The following SPHKAP variants were observed in gnomAD, a reference collection of about 807,000 sequenced individuals.
SPHKAP encodes the protein A-kinase anchor protein SPHKAP.
Under a neutral mutation model 137.5 loss-of-function variants are expected in SPHKAP, and 67 were observed. The ratio of observed to expected loss-of-function variants is 0.49; its 90% confidence interval spans 0.40 to 0.60. The LOEUF is 0.60. Ranked by LOEUF, SPHKAP falls within the 20% of genes least tolerant of loss-of-function variation. SPHKAP has a pLI of 0.00. For synonymous variants in SPHKAP, 813 were observed against 785.3 expected, an observed-to-expected ratio of 1.04 and a Z score of -0.59; for missense variants, 2,097 against 2,069.3, an observed-to-expected ratio of 1.01 and a Z score of -0.26.
chr2:228,063,736 GA>G (rs1696738619), intron 3 of SPHKAP, among the ~76,000 whole-genome samples: 1 of 152,134 alleles, frequency 6.6e-6, no homozygotes, highest in Admixed American at 6.5e-5. Flanking sequence ...GAAAGACACT[GA>G]CTTATTCATG....
At chr2:228,158,044 T>C (rs1461831173) in intron 1 of SPHKAP, among the ~76,000 whole-genome samples, 1 of 152,172 alleles carries the variant, frequency 6.6e-6, no homozygotes, top group Non-Finnish European at 1.5e-5. Flanking sequence ...CTGACACACT[T>C]GGAAAAGGTC....
At chr2:228,043,555 G>A (rs1176695407) in intron 3 of SPHKAP, among the ~76,000 whole-genome samples, 1 of 152,164 alleles carries the variant, frequency 6.6e-6, no homozygotes, top group African/African-American at 2.4e-5. Flanking sequence ...TTGAACTCCT[G>A]ACCTCAAGTG....
intron 1 of SPHKAP, among the ~76,000 whole-genome samples, chr2:228,177,327 T>C (rs551682241): frequency 3.3e-5 from 5 of 152,208 alleles, no homozygotes; most frequent in South Asian, 2.1e-4. Flanking sequence ...CCTTTCTCTA[T>C]AGGAAATTGT....
At chr2:228,163,548 C>A (rs938303580) in intron 1 of SPHKAP, among the ~76,000 whole-genome samples, 1 of 152,172 alleles carries the variant, frequency 6.6e-6, no homozygotes. Context: ...TCCATCCTTT[C>A]CTCAGTAATA....
Position 227,981,470 on chromosome 2 carries a change from C to G in SPHKAP, c.*247G>C, listed in dbSNP as rs1235671020. On this transcript the variant is annotated 3_prime_UTR_variant, in exon 12 of 12. Coordinates refer to ENST00000392056, the MANE Select transcript of SPHKAP (RefSeq NM_001142644.2). ...TCTAATTTGGGCCCCATTGAATTCT[C>G]TCTTTGTCCAGCCCTTCTAATCCAA... 3.1e-6 allele frequency: 1 copy of G among 323,500 alleles called. No homozygotes were observed. Among genetic ancestry groups the G allele is most frequent in the African/African-American group, 2.1e-5 (1 of 46,634 alleles). 20.0% of individuals were successfully genotyped at this position (323,500 alleles called of 1,614,324 possible).
chr2:228,175,261 CA>C (rs1700704581), intron 1 of SPHKAP, among the ~76,000 whole-genome samples: 1 of 151,544 alleles, frequency 6.6e-6, no homozygotes, highest in Admixed American at 6.6e-5. Flanking sequence ...TGGATCTATG[CA>C]AATGAAATGT....
intron 5 of SPHKAP, 187 bp from the exon 6 acceptor site, chr2:228,022,153 G>C: frequency 1.0e-6 from 1 of 984,590 alleles, no homozygotes; most frequent in Non-Finnish European, 1.2e-6. Flanking sequence ...TGGAACACAA[G>C]GTACCTAGGA....
intron 1 of SPHKAP, among the ~76,000 whole-genome samples, chr2:228,160,735 A>AC (rs1337496380): frequency 6.6e-6 from 1 of 152,202 alleles, no homozygotes; most frequent in African/African-American, 2.4e-5. Flanking sequence ...TTTTAGGTGA[A>AC]CTTTTTCAAC....
At chr2:228,155,921 G>A (rs982525491) in intron 1 of SPHKAP, among the ~76,000 whole-genome samples, 1 of 152,176 alleles carries the variant, frequency 6.6e-6, no homozygotes, top group Non-Finnish European at 1.5e-5. Flanking sequence ...TTAGGAGCTG[G>A]TGTTTGTTGT....
chr2:228,044,862 A>G lies in SPHKAP; in HGVS notation c.247-17319T>C, dbSNP rs535789535. ...CAACCTACTTATCTGACAAAGGGCT[A>G]ATATCCAAAATCTACAATGAACTCA... On this transcript the variant is annotated intron_variant, in intron 3 of 11. Coordinates refer to ENST00000392056, the MANE Select transcript of SPHKAP (RefSeq NM_001142644.2). Among the ~76,000 whole-genome samples the G allele has an allele frequency of 3.3e-5, 5 of 152,324 alleles. No individual in the cohort carries two copies. The South Asian group carries it at 1.0e-3, about 32-fold the overall frequency.
At chr2:228,015,313 G>A (rs557358594) in intron 7 of SPHKAP, among the ~76,000 whole-genome samples, 16 of 151,520 alleles carry the variant, frequency 1.1e-4, no homozygotes, top group Non-Finnish European at 1.9e-4. Context: ...TCTTAATCCA[G>A]TCTATCATTG....
intron 1 of SPHKAP, among the ~76,000 whole-genome samples, chr2:228,160,385 A>G (rs1275884516): frequency 6.6e-6 from 1 of 152,234 alleles, no homozygotes; most frequent in Non-Finnish European, 1.5e-5. Context: ...AAGAGGTTTA[A>G]TTGACTCACA....
At chr2:228,001,985 T>G (rs1186529772) in intron 7 of SPHKAP, among the ~76,000 whole-genome samples, 1 of 152,210 alleles carries the variant, frequency 6.6e-6, no homozygotes, top group African/African-American at 2.4e-5. Context: ...GATATTTGGA[T>G]TGGTTCCAAG....
chr2:228,053,108 C>T (rs1233943556), intron 3 of SPHKAP, among the ~76,000 whole-genome samples: 1 of 152,126 alleles, frequency 6.6e-6, no homozygotes, highest in Non-Finnish European at 1.5e-5. Context: ...CTTTCTGACT[C>T]GTAGACAGCC....
At chr2:228,023,596 G>T (rs16824315) in intron 5 of SPHKAP, among the ~76,000 whole-genome samples, 1 of 152,112 alleles carries the variant, frequency 6.6e-6, no homozygotes, top group Non-Finnish European at 1.5e-5. Flanking sequence ...ACTACACTAA[G>T]CTGAAACTTA....
In SPHKAP at chr2:228,018,872, T is replaced by C. The variant is rs368321165; in HGVS notation, c.1982A>G (p.Asn661Ser). The change falls in exon 7 of 12, where the codon AAT (asparagine) becomes AGT (serine). Residue 661 changes from asparagine (N) to serine (S), a missense_variant. Transcript: ENST00000392056. ...ASKSQTLCSENVVRNELAHTL... is the reference protein window; with the variant it reads ...ASKSQTLCSESVVRNELAHTL... Reference sequence around the variant, plus strand: ...ATGTGCCAGTTCATTCCTGACGACATTTTCTGAGCACAGGGTCTGAGACTT... The same window carrying C: ...ATGTGCCAGTTCATTCCTGACGACACTTTCTGAGCACAGGGTCTGAGACTT... 56 of 1,614,042 alleles carry C rather than the reference T, an allele frequency of 3.5e-5. No homozygotes were observed. In the Middle Eastern group the frequency reaches 4.9e-4, roughly 14 times the overall value.
intron 2 of SPHKAP, among the ~76,000 whole-genome samples, chr2:228,112,002 T>A (rs1198310533): frequency 6.6e-6 from 1 of 152,190 alleles, no homozygotes. Context: ...GGAAACTTTT[T>A]GTGATGTAAA....
chr2:228,123,020 G>T lies in SPHKAP; in HGVS notation c.138+8960C>A, dbSNP rs192557054. ...AGTCCTCCTGATCTTGACTGCCAAA[G>T]GTATCTCACCCAGGTTTCTTTTTCT... On this transcript the variant is annotated intron_variant, in intron 2 of 11. Transcript: ENST00000392056. 2.6e-5 allele frequency among the ~76,000 whole-genome samples: 4 copies of T among 152,184 alleles called. No homozygotes were observed. In the East Asian group the frequency reaches 7.7e-4, roughly 29 times the overall value.
intron 1 of SPHKAP, among the ~76,000 whole-genome samples, chr2:228,169,459 C>T (rs10173065): frequency 6.6e-6 from 1 of 151,936 alleles, no homozygotes; most frequent in Non-Finnish European, 1.5e-5. Flanking sequence ...TAAATCTACT[C>T]TGCCTGTGCT....
Sources: gnomAD v4.1 joint callset for allele counts (sites outside exome capture counted in the v4.1 genomes callset) on GRCh38, gnomAD v4.1.1 for gene constraint, MANE v1.5 for transcripts, NCBI Gene and HGNC (gene_info 2026-07-23, HGNC 2026-07-21) for gene names.